Variants in CORIN observed in about 807,000 individuals in gnomAD.
CORIN encodes atrial natriuretic peptide-converting enzyme.
CORIN carries 117 observed loss-of-function variants against 125.3 expected under a neutral mutation model. That is an observed-to-expected ratio of 0.93 (90% CI 0.80 to 1.09). The LOEUF is 1.09. CORIN is among the 50% of genes least tolerant of loss of function. CORIN has a pLI of 0.00. For missense variants in CORIN, 1,253 were observed against 1,306.7 expected (o/e 0.96, Z 0.63); for synonymous variants, 450 against 466.4 (o/e 0.96, Z 0.45).
chr4:47,760,374 T>C (rs946246552), intron 4 of CORIN, among the ~76,000 whole-genome samples: 1 of 152,206 alleles, frequency 6.6e-6, no homozygotes, highest in Non-Finnish European at 1.5e-5. Flanking sequence ...TCTAATGCCA[T>C]TTATTGACTG....
At chr4:47,829,978 C>T (rs1732908775) in intron 1 of CORIN, among the ~76,000 whole-genome samples, 1 of 152,170 alleles carries the variant, frequency 6.6e-6, no homozygotes, top group Admixed American at 6.5e-5. Context: ...ATTGAACTCC[C>T]CTTTCTGATG....
At chr4:47,623,973 A>G (rs749281508) in intron 17 of CORIN, 25 bp from the exon 18 acceptor site, 2 of 1,598,376 alleles carry the variant, frequency 1.3e-6, no homozygotes, top group South Asian at 1.1e-5. Context: ...ATAAAATGGT[A>G]TAACATTAAG....
intron 1 of CORIN, among the ~76,000 whole-genome samples, chr4:47,836,121 T>C (rs914860702): frequency 2.6e-5 from 4 of 152,292 alleles, no homozygotes; most frequent in African/African-American, 9.6e-5. Flanking sequence ...AAGCATTCTA[T>C]GGAAAACCTG....
intron 1 of CORIN, among the ~76,000 whole-genome samples, chr4:47,811,654 C>T (rs765623820): frequency 1.3e-4 from 20 of 152,092 alleles, no homozygotes; most frequent in Admixed American, 3.3e-4. Context: ...CTTGAGCCAC[C>T]GCGCCCAGCC....
At chr4:47,664,431 G>A (rs1437276321) in intron 11 of CORIN, among the ~76,000 whole-genome samples, 1 of 152,116 alleles carries the variant, frequency 6.6e-6, no homozygotes, top group East Asian at 1.9e-4. Flanking sequence ...TTGTCTAAGG[G>A]CTACCTAGAA....
chr4:47,609,371 T>G (rs9999055), intron 19 of CORIN, among the ~76,000 whole-genome samples: 1 of 151,658 alleles, frequency 6.6e-6, no homozygotes. Context: ...TCCTAAGTAG[T>G]TGGGATTACA....
At chr4:47,649,320 G>A (rs747813745) in intron 13 of CORIN, among the ~76,000 whole-genome samples, 3 of 152,220 alleles carry the variant, frequency 2.0e-5, no homozygotes, top group Non-Finnish European at 4.4e-5. Context: ...ATCTACCTGA[G>A]TTTACTATGT....
rs1721175589 is a variant in CORIN, at chr4:47,594,469, T to C, written c.*1252A>G. 6.6e-6 allele frequency: 1 copy of C among 152,558 alleles called. No individual in the cohort carries two copies. The highest frequency in any genetic ancestry group is 2.1e-4 in the South Asian group (1 of 4,828). 9.5% of individuals were successfully genotyped at this position (152,558 alleles called of 1,614,324 possible). A position where few individuals can be genotyped will look rare whatever the true frequency, so the allele number is the denominator to read the frequency against. On this transcript the variant is annotated 3_prime_UTR_variant, in exon 22 of 22. Coordinates refer to ENST00000273857, the MANE Select transcript of CORIN (RefSeq NM_006587.4). ...AGTTTTTTAGTGGGGAAAAATACTT[T>C]TTACCACTAATTGCTTCAGAAATTG...
chr4:47,627,322 T>C (rs993739068), intron 16 of CORIN, among the ~76,000 whole-genome samples: 1 of 151,372 alleles, frequency 6.6e-6, no homozygotes, highest in African/African-American at 2.4e-5. Context: ...AATCACATAA[T>C]AGAAAATGGA....
At chr4:47,653,717 T>C in intron 12 of CORIN, 57 bp from the exon 13 acceptor site, 2 of 1,437,014 alleles carry the variant, frequency 1.4e-6, no homozygotes, top group Non-Finnish European at 2.0e-6. Context: ...TCAGCTAATT[T>C]ATGTATTTAC....
intron 1 of CORIN, among the ~76,000 whole-genome samples, chr4:47,809,396 CT>C (rs374248975): frequency 4.9e-3 from 530 of 107,272 alleles, no homozygotes; most frequent in African/African-American, 0.016. Context: ...GAATTGATTG[CT>C]TTTTTTTTTT....
At chr4:47,603,303 A>C in intron 20 of CORIN, 94 bp downstream of exon 20, 1 of 1,343,234 alleles carries the variant, frequency 7.4e-7, no homozygotes, top group Non-Finnish European at 1.0e-6. Context: ...TCCCTGCAGA[A>C]CTGTGAATCA....
intron 1 of CORIN, among the ~76,000 whole-genome samples, chr4:47,824,363 A>C (rs906574005): frequency 6.6e-6 from 1 of 151,520 alleles, no homozygotes; most frequent in Admixed American, 6.6e-5. Context: ...CAAACAGGTA[A>C]GCTGAGCTTG....
Position 47,623,736 on chromosome 4 carries a change from C to T in CORIN, c.2375G>A (p.Arg792His), listed in dbSNP as rs75141391. ...SLLCTKQDCGRRPAARMNKRI... is the reference protein window; with the variant it reads ...SLLCTKQDCGHRPAARMNKRI... ...TTTGTTCATTCGGGCAGCAGGGCGGCGCCCACAGTCTACCAAGGAGCAGAA... is the reference window on the plus strand; with the variant it reads ...TTTGTTCATTCGGGCAGCAGGGCGGTGCCCACAGTCTACCAAGGAGCAGAA... Residue 792 changes from arginine to histidine, a missense_variant, in exon 19 of 22, where the codon CGC becomes CAC. Coordinates refer to ENST00000273857, the MANE Select transcript of CORIN (RefSeq NM_006587.4). 1.8e-3 allele frequency: 2,886 copies of T among 1,614,144 alleles called. 51 individuals carry two copies. The African/African-American group carries it at 0.031, about 17-fold the overall frequency.
At chr4:47,762,913 T>C (rs1289709020) in intron 4 of CORIN, among the ~76,000 whole-genome samples, 1 of 152,166 alleles carries the variant, frequency 6.6e-6, no homozygotes, top group Non-Finnish European at 1.5e-5. Context: ...TCCAAGACCC[T>C]TTACCCATAG....
At chr4:47,797,252 T>G (rs1188989107) in intron 2 of CORIN, among the ~76,000 whole-genome samples, 1 of 148,658 alleles carries the variant, frequency 6.7e-6, no homozygotes, top group East Asian at 1.9e-4. Flanking sequence ...TATTGTGAAT[T>G]TATAATATAG....
intron 5 of CORIN, among the ~76,000 whole-genome samples, chr4:47,724,432 G>A (rs1022616067): frequency 2.0e-5 from 3 of 151,856 alleles, no homozygotes; most frequent in Non-Finnish European, 2.9e-5. Context: ...AATATAGGAA[G>A]GAAAGGAAGG....
At chr4:47,714,164 T>G (rs1036006218) in intron 5 of CORIN, among the ~76,000 whole-genome samples, 1 of 152,214 alleles carries the variant, frequency 6.6e-6, no homozygotes, top group Non-Finnish European at 1.5e-5. Context: ...TTTTAAAGAT[T>G]AAAAGAAATA....
intron 16 of CORIN, among the ~76,000 whole-genome samples, chr4:47,631,266 GGAACCA>G (rs1722793505): frequency 6.6e-6 from 1 of 152,166 alleles, no homozygotes; most frequent in East Asian, 1.9e-4. Context: ...GCCCCTGTTA[GGAACCA>G]GGCCACACAG....
Sources: gnomAD v4.1 joint callset for allele counts (sites outside exome capture counted in the v4.1 genomes callset) on GRCh38, gnomAD v4.1.1 for gene constraint, MANE v1.5 for transcripts, NCBI Gene and HGNC (gene_info 2026-07-23, HGNC 2026-07-21) for gene names.